KIAA1328: variants seen among roughly 807,000 people sequenced by gnomAD.
KIAA1328 encodes the protein protein hinderin.
KIAA1328 carries 52 observed loss-of-function variants against 68.1 expected under a neutral mutation model. The observed-to-expected ratio is 0.76, with a 90% CI of 0.61 to 0.96. The LOEUF is 0.96. Among genes scored for constraint, KIAA1328 ranks in the 40% least tolerant of loss-of-function variants. The pLI, the probability that KIAA1328 is intolerant of heterozygous loss-of-function variation, is 0.00. For missense variants in KIAA1328, 641 were observed against 677.6 expected (o/e 0.95, Z 0.60); for synonymous variants, 232 against 239.4 (o/e 0.97, Z 0.28).
intron 7 of KIAA1328, among the ~76,000 whole-genome samples, chr18:37,111,561 C>A (rs1470339545): frequency 6.6e-6 from 1 of 152,144 alleles, no homozygotes; most frequent in Non-Finnish European, 1.5e-5. Flanking sequence ...TTGGAGGTTC[C>A]AAAATGGCCA....
At position 37,165,783 on chromosome 18, in the gene KIAA1328, G is replaced by A. The variant is rs1430641140; in HGVS notation, c.1414+5402G>A. The stretch of plus-strand genomic sequence containing the variant: ...ATTTTTTGTATTTTTAGTAGCAACA[G>A]GGTTTCACCATGTTGGCCAGGCTGG... On this transcript the variant is annotated intron_variant, in intron 8 of 9. Transcript: ENST00000280020. Among the ~76,000 whole-genome samples, 4 of 151,860 alleles carry A rather than the reference G, an allele frequency of 2.6e-5. No homozygotes were observed. In the East Asian group the frequency reaches 7.8e-4, roughly 29 times the overall value.
chr18:37,106,019 T>C (rs1366213218), intron 7 of KIAA1328, among the ~76,000 whole-genome samples: 2 of 147,806 alleles, frequency 1.4e-5, no homozygotes, highest in African/African-American at 5.0e-5. Context: ...CCAAGTGACC[T>C]AGCAGTCCCA....
At chr18:36,982,993 A>G (rs1259501615) in intron 6 of KIAA1328, among the ~76,000 whole-genome samples, 2 of 152,034 alleles carry the variant, frequency 1.3e-5, no homozygotes, top group Non-Finnish European at 2.9e-5. Flanking sequence ...ATTGTAACAA[A>G]TAGATGAACA....
chr18:36,924,736 T>A (rs1450149141), intron 5 of KIAA1328, among the ~76,000 whole-genome samples: 1 of 151,988 alleles, frequency 6.6e-6, no homozygotes, highest in African/African-American at 2.4e-5. Flanking sequence ...CACCCCAATA[T>A]TTATTAGGTA....
intron 7 of KIAA1328, among the ~76,000 whole-genome samples, chr18:37,141,059 T>G (rs979834054): frequency 2.6e-5 from 4 of 152,192 alleles, no homozygotes; most frequent in African/African-American, 4.8e-5. Context: ...GGTGAAAGTT[T>G]TTCTGCGTTT....
intron 5 of KIAA1328, among the ~76,000 whole-genome samples, chr18:36,914,352 T>A (rs772694726): frequency 1.3e-5 from 2 of 152,174 alleles, no homozygotes; most frequent in Non-Finnish European, 2.9e-5. Flanking sequence ...GTTTTGATTA[T>A]CTTAATAAAA....
chr18:36,953,540 A>C (rs929352264), intron 5 of KIAA1328, among the ~76,000 whole-genome samples: 4 of 151,536 alleles, frequency 2.6e-5, no homozygotes, highest in African/African-American at 9.7e-5. Context: ...ATAAAAATTT[A>C]TTTGCTTATT....
intron 9 of KIAA1328, among the ~76,000 whole-genome samples, chr18:37,221,309 TATTCATTTATATCAATGA>T (rs1232786271): frequency 1.3e-5 from 2 of 152,348 alleles, no homozygotes; most frequent in East Asian, 3.9e-4. Context: ...GCCTATTATG[TATTCATTTATATCAATGA>T]ATTCATTTAA....
intron 6 of KIAA1328, among the ~76,000 whole-genome samples, chr18:37,034,778 T>G (rs946425835): frequency 3.9e-5 from 6 of 152,178 alleles, no homozygotes; most frequent in Non-Finnish European, 8.8e-5. Context: ...ACATTTGGTC[T>G]TGAAATAAAA....
At chr18:36,866,229 G>T (rs1556802627) in intron 4 of KIAA1328, among the ~76,000 whole-genome samples, 1 of 152,068 alleles carries the variant, frequency 6.6e-6, no homozygotes, top group Non-Finnish European at 1.5e-5. Flanking sequence ...GCCAAATCAT[G>T]CTAGGCTGCT....
Position 36,924,513 on chromosome 18 carries a change from A to G in KIAA1328, c.449-34795A>G, listed in dbSNP as rs145230095. 7.6e-3 allele frequency among the ~76,000 whole-genome samples: 1,152 copies of G among 152,330 alleles called. 8 individuals carry two copies. Among genetic ancestry groups the G allele is most frequent in the Non-Finnish European group, 9.8e-3 (667 of 68,024 alleles). On this transcript the variant is annotated intron_variant, in intron 5 of 9. Coordinates refer to ENST00000280020, the MANE Select transcript of KIAA1328 (RefSeq NM_020776.3). ...ATAGGACTTATGTGGGGAAAAGCAGACTTTGAAAAGAGAAAACGAGTATGA... is the reference window on the plus strand; with the variant it reads ...ATAGGACTTATGTGGGGAAAAGCAGGCTTTGAAAAGAGAAAACGAGTATGA...
intron 5 of KIAA1328, among the ~76,000 whole-genome samples, chr18:36,937,824 A>G (rs1325689293): frequency 1.3e-5 from 2 of 151,694 alleles, no homozygotes; most frequent in East Asian, 3.9e-4. Context: ...TCTTCATGAG[A>G]TGTACTGTTT....
intron 5 of KIAA1328, among the ~76,000 whole-genome samples, chr18:36,931,853 ATTTGT>A (rs1338145379): frequency 2.0e-5 from 3 of 151,720 alleles, no homozygotes; most frequent in African/African-American, 4.8e-5. Flanking sequence ...TTTTAGTTTT[ATTTGT>A]TTTAACATTG....
intron 7 of KIAA1328, among the ~76,000 whole-genome samples, chr18:37,116,393 A>G (rs1217487199): frequency 1.3e-5 from 2 of 152,224 alleles, no homozygotes; most frequent in Non-Finnish European, 2.9e-5. Context: ...CAAACCTGAC[A>G]AAAACAAGAA....
At chr18:36,988,471 A>T (rs1453154891) in intron 6 of KIAA1328, among the ~76,000 whole-genome samples, 1 of 152,248 alleles carries the variant, frequency 6.6e-6, no homozygotes, top group Non-Finnish European at 1.5e-5. Context: ...ATTTGGCTGT[A>T]TTCTAAGATA....
intron 4 of KIAA1328, among the ~76,000 whole-genome samples, chr18:36,881,465 A>G (rs2048326521): frequency 6.6e-6 from 1 of 150,592 alleles, no homozygotes; most frequent in African/African-American, 2.5e-5. Context: ...AGAAAGAAGA[A>G]GGTCATTCCT....
chr18:37,179,927 C>T lies in KIAA1328; in HGVS notation c.1523+6846C>T, dbSNP rs537073705. Among the ~76,000 whole-genome samples, 3 of 152,060 alleles carry T rather than the reference C, an allele frequency of 2.0e-5. No homozygotes were observed. The South Asian group carries it at 6.2e-4, about 32-fold the overall frequency. On this transcript the variant is annotated intron_variant, in intron 9 of 9. Coordinates refer to ENST00000280020, the MANE Select transcript of KIAA1328 (RefSeq NM_020776.3). ...TCAGACACTATTTCGTTTCCCATAT[C>T]ACACTGCCAGTAACCATTCAAATTG...
intron 9 of KIAA1328, among the ~76,000 whole-genome samples, chr18:37,182,017 C>A (rs1436845589): frequency 6.6e-6 from 1 of 152,124 alleles, no homozygotes; most frequent in Non-Finnish European, 1.5e-5. Context: ...CCTTTGTCAA[C>A]CCAGCAATAG....
chr18:37,005,662 T>C (rs2151470899), intron 6 of KIAA1328, among the ~76,000 whole-genome samples: 1 of 152,250 alleles, frequency 6.6e-6, no homozygotes, highest in East Asian at 1.9e-4. Context: ...CCATGTTAAT[T>C]ATATCACTGT....
Sources: allele counts gnomAD v4.1 joint callset (sites outside exome capture counted in the v4.1 genomes callset), GRCh38; gene constraint gnomAD v4.1.1; transcripts MANE v1.5; gene names NCBI Gene and HGNC (gene_info 2026-07-23, HGNC 2026-07-21).